DNAH8: variants seen among roughly 807,000 people sequenced by gnomAD.
DNAH8 encodes axonemal beta dynein heavy chain 8.
A neutral mutation model predicts 562.1 loss-of-function variants in DNAH8; 382 were observed. The observed-to-expected ratio is 0.68, with a 90% CI of 0.63 to 0.74. DNAH8 has a LOEUF of 0.74. Among genes scored for constraint, DNAH8 ranks in the 30% least tolerant of loss-of-function variants. The pLI, the probability that DNAH8 is intolerant of heterozygous loss-of-function variation, is 0.00. For missense variants in DNAH8, 5,203 were observed against 5,620.4 expected, an observed-to-expected ratio of 0.93 and a Z score of 2.37; for synonymous variants, 1,881 against 1,919.4, an observed-to-expected ratio of 0.98 and a Z score of 0.52.
chr6:38,827,635 T>G (rs1047088468), intron 29 of DNAH8, among the ~76,000 whole-genome samples: 20 of 151,320 alleles, frequency 1.3e-4, no homozygotes, highest in African/African-American at 4.9e-4. Context: ...AAAATCGTGG[T>G]ATTTGGGGAT....
intron 14 of DNAH8, among the ~76,000 whole-genome samples, chr6:38,779,736 AT>A (rs1768399596): frequency 6.6e-6 from 1 of 152,164 alleles, no homozygotes; most frequent in Non-Finnish European, 1.5e-5. Context: ...TGTAATTTAA[AT>A]AATTATTTTT....
At chr6:38,743,700 C>G (rs1764701378) in intron 8 of DNAH8, among the ~76,000 whole-genome samples, 1 of 152,178 alleles carries the variant, frequency 6.6e-6, no homozygotes, top group African/African-American at 2.4e-5. Context: ...TAGCCTGTAT[C>G]AGTATGTCAT....
chr6:38,922,484 T>A (rs1310777099), intron 71 of DNAH8, among the ~76,000 whole-genome samples: 2 of 152,122 alleles, frequency 1.3e-5, no homozygotes, highest in Non-Finnish European at 2.9e-5. Flanking sequence ...ATTTAAATAA[T>A]TAGGAAGTAA....
chr6:38,883,267 A>G (rs1400886619), intron 54 of DNAH8, 55 bp from the exon 55 acceptor site: 14 of 1,533,190 alleles, frequency 9.1e-6, no homozygotes, highest in Non-Finnish European at 8.8e-7. Context: ...ATCATAAGAT[A>G]TTTGAAACTA....
chr6:38,751,940 T>C (rs1039766373), intron 9 of DNAH8, among the ~76,000 whole-genome samples: 1 of 152,190 alleles, frequency 6.6e-6, no homozygotes, highest in African/African-American at 2.4e-5. Context: ...ACTTTTGTTA[T>C]AGGCATTGTG....
chr6:38,894,696 T>C lies in DNAH8; in HGVS notation c.8584-5T>C. 1.9e-6 allele frequency: 3 copies of C among 1,611,726 alleles called. No individual in the cohort carries two copies. Among genetic ancestry groups the C allele is most frequent in the South Asian group, 2.2e-5 (2 of 90,862 alleles). ...ACTGAGAGTATTACATTTTTTCATC[T>C]CTAGGTGAAGATGCTGCCAACTCCT... On this transcript the variant is annotated splice_region_variant and splice_polypyrimidine_tract_variant and intron_variant, in intron 58 of 92. Transcript: ENST00000327475.
intron 11 of DNAH8, among the ~76,000 whole-genome samples, chr6:38,769,524 TA>T (rs1272332980): frequency 6.6e-6 from 1 of 152,208 alleles, no homozygotes; most frequent in East Asian, 1.9e-4. Context: ...ATAGGAGAGC[TA>T]GTTAAAAATA....
intron 89 of DNAH8, 25 bp from the exon 90 acceptor site, chr6:39,012,190 T>G: frequency 6.4e-7 from 1 of 1,555,374 alleles, no homozygotes. Flanking sequence ...AAATCTCCTT[T>G]ATTGCATTGT....
chr6:38,797,351 T>C (rs1770364870), intron 21 of DNAH8, among the ~76,000 whole-genome samples: 1 of 152,206 alleles, frequency 6.6e-6, no homozygotes, highest in African/African-American at 2.4e-5. Flanking sequence ...AACTCACTCA[T>C]TTCCTGCCTC....
intron 92 of DNAH8, among the ~76,000 whole-genome samples, chr6:39,027,479 T>A (rs905430254): frequency 3.9e-5 from 6 of 152,350 alleles, no homozygotes; most frequent in Middle Eastern, 6.8e-3. Flanking sequence ...ATTCTTTAAC[T>A]TTTTTGAGTC....
At chr6:38,962,921 G>A (rs1439193017) in intron 82 of DNAH8, among the ~76,000 whole-genome samples, 1 of 152,160 alleles carries the variant, frequency 6.6e-6, no homozygotes, top group Non-Finnish European at 1.5e-5. Context: ...TGGGAACTAA[G>A]CTATGAGGAC....
chr6:38,874,544 A>AT (rs1777841427), intron 52 of DNAH8, among the ~76,000 whole-genome samples: 1 of 149,134 alleles, frequency 6.7e-6, no homozygotes, highest in African/African-American at 2.5e-5. Context: ...TAATTTTTAG[A>AT]TTTTTTATAG....
At chr6:38,731,631 G>T (rs1442882765) in intron 4 of DNAH8, among the ~76,000 whole-genome samples, 1 of 152,160 alleles carries the variant, frequency 6.6e-6, no homozygotes, top group Non-Finnish European at 1.5e-5. Context: ...AGAGCAAAGG[G>T]TACACATATT....
In DNAH8 at chr6:38,852,922, T is replaced by C. The variant is rs1318641325; in HGVS notation, c.5571+124T>C. Reference sequence around the variant, plus strand: ...AGTTCTCATTCTACAGCCCTGGGCTTTGTTAAAAACTAGTTTAGATAAATC... The same window carrying C: ...AGTTCTCATTCTACAGCCCTGGGCTCTGTTAAAAACTAGTTTAGATAAATC... On this transcript the variant is annotated intron_variant, in intron 40 of 92. Transcript: ENST00000327475. 1.0e-5 allele frequency: 8 copies of C among 766,206 alleles called. No homozygotes were observed. In the South Asian group the frequency reaches 1.5e-4, roughly 15 times the overall value. 47.5% of individuals were successfully genotyped at this position (766,206 alleles called of 1,614,324 possible). A position where few individuals can be genotyped will look rare whatever the true frequency, so the allele number is the denominator to read the frequency against.
Position 38,777,053 on chromosome 6 carries a change from A to G in DNAH8, c.1962+1102A>G, listed in dbSNP as rs567603168. Among the ~76,000 whole-genome samples, 14 of 152,334 alleles carry G rather than the reference A, an allele frequency of 9.2e-5. No individual in the cohort carries two copies. In the East Asian group the frequency reaches 2.5e-3, roughly 27 times the overall value. On this transcript the variant is annotated intron_variant, in intron 13 of 92. Transcript: ENST00000327475. ...ACATTACACGTAACCTGGGCAATAT[A>G]AATACATAAGAAAGATCCTAAAATT...
At chr6:38,722,546 A>C (rs1379019865) in intron 1 of DNAH8, among the ~76,000 whole-genome samples, 1 of 151,188 alleles carries the variant, frequency 6.6e-6, no homozygotes. Flanking sequence ...AATCAGGAGG[A>C]GCACTTAAAG....
chr6:38,724,321 G>A (rs1457074617), intron 3 of DNAH8, among the ~76,000 whole-genome samples: 1 of 152,136 alleles, frequency 6.6e-6, no homozygotes, highest in African/African-American at 2.4e-5. Context: ...TGTTGTGGAG[G>A]AAGAAGAGAA....
chr6:38,913,839 A>C lies in DNAH8; in HGVS notation c.9860-10A>C. 6.2e-7 allele frequency: 1 copy of C among 1,603,012 alleles called. No homozygotes were observed. Among genetic ancestry groups the C allele is most frequent in the Non-Finnish European group, 8.5e-7 (1 of 1,170,462 alleles). On this transcript the variant is annotated splice_polypyrimidine_tract_variant and intron_variant, in intron 66 of 92. Transcript: ENST00000327475. ...ACTCAGTAAAGGTATATATGTGTGT[A>C]TTTGTAAAGGTCTTGATAAACTAAT... is the stretch of plus-strand genomic sequence containing the variant.
rs372147360 is a variant in DNAH8, at chr6:38,866,811, A to G, written c.6628A>G (p.Asn2210Asp). 1 of 1,613,426 alleles carries G rather than the reference A, an allele frequency of 6.2e-7. No homozygotes were observed. The highest frequency in any genetic ancestry group is 1.3e-5 in the African/African-American group (1 of 74,898). ...VKLASCGFLE[N>D]VILAQKFYVL... is the part of the protein sequence containing the mutation. Reference sequence around the variant, plus strand: ...ACTTGCAAGCTGTGGTTTTCTTGAAAATGTTATCTTGGCTCAAAAATTTTA... The same window carrying G: ...ACTTGCAAGCTGTGGTTTTCTTGAAGATGTTATCTTGGCTCAAAAATTTTA... The change falls in exon 47 of 93, where the codon AAT (asparagine) becomes GAT (aspartate). Residue 2210 changes from asparagine (N) to aspartate (D), a missense_variant. Around this residue, in one of 6 missense-constraint regions of DNAH8, gnomAD observed 2,176 missense variants for 2,365.1 expected, o/e 0.92. Coordinates refer to ENST00000327475, the MANE Select transcript of DNAH8 (RefSeq NM_001206927.2).
Sources: allele counts gnomAD v4.1 joint callset (sites outside exome capture counted in the v4.1 genomes callset), GRCh38; gene constraint gnomAD v4.1.1; regional missense constraint gnomAD v4.1.1; transcripts MANE v1.5; gene names NCBI Gene and HGNC (gene_info 2026-07-23, HGNC 2026-07-21).